DOCK7: variants seen among roughly 807,000 people sequenced by gnomAD.
DOCK7 encodes dedicator of cytokinesis protein 7.
A neutral mutation model predicts 271.0 loss-of-function variants in DOCK7; 138 were observed. The ratio of observed to expected loss-of-function variants is 0.51; its 90% CI spans 0.44 to 0.59. The LOEUF (loss-of-function observed/expected upper bound fraction) is 0.59. Ranked by LOEUF, DOCK7 falls within the 20% of genes least tolerant of loss-of-function variation. DOCK7 has a pLI of 0.00. For synonymous variants in DOCK7, 823 were observed against 876.1 expected, an observed-to-expected ratio of 0.94 and a Z score of 1.07; for missense variants, 2,066 against 2,592.4, an observed-to-expected ratio of 0.80 and a Z score of 4.41.
intron 18 of DOCK7, among the ~76,000 whole-genome samples, chr1:62,563,863 C>CAAAAA (rs71045848): frequency 2.6e-5 from 1 of 38,840 alleles, no homozygotes; most frequent in African/African-American, 1.0e-4. Context: ...ATTTACCAAG[C>CAAAAA]AAAAAAAAAA....
At chr1:62,519,467 C>A (rs899518583) in intron 31 of DOCK7, among the ~76,000 whole-genome samples, 2 of 152,228 alleles carry the variant, frequency 1.3e-5, no homozygotes, top group Admixed American at 1.3e-4. Flanking sequence ...TAGAAATTTT[C>A]ATGACTGAAA....
chr1:62,541,339 C>T (rs1324367190), intron 25 of DOCK7, among the ~76,000 whole-genome samples: 1 of 152,074 alleles, frequency 6.6e-6, no homozygotes, highest in Non-Finnish European at 1.5e-5. Flanking sequence ...ATGTTTGTTG[C>T]CTTTGTTTAC....
chr1:62,579,269 A>C (rs1272925230), intron 16 of DOCK7, among the ~76,000 whole-genome samples: 1 of 152,178 alleles, frequency 6.6e-6, no homozygotes, highest in Non-Finnish European at 1.5e-5. Flanking sequence ...AAGCTGCATA[A>C]AAGAGGACAC....
chr1:62,582,208 G>A (rs1647147937), intron 16 of DOCK7, among the ~76,000 whole-genome samples: 1 of 152,160 alleles, frequency 6.6e-6, no homozygotes, highest in African/African-American at 2.4e-5. Flanking sequence ...GGAGCTAGAA[G>A]AAACTCCTGT....
intron 15 of DOCK7, chr1:62,584,510 C>T (rs890085026): frequency 1.8e-6 from 2 of 1,092,808 alleles, no homozygotes; most frequent in Non-Finnish European, 2.2e-6. Flanking sequence ...TAATAACACA[C>T]AAGTAAAAGA....
In DOCK7 at chr1:62,540,169, AT is replaced by A. The variant is rs111463668; in HGVS notation, c.3046-278del. Among the ~76,000 whole-genome samples, 1,585 of 145,002 alleles carry A rather than the reference AT, an allele frequency of 0.011. 17 individuals are homozygous for A. Among genetic ancestry groups the A allele is most frequent in the Middle Eastern group, 0.051 (14 of 276 alleles). ...AACAAAAAAAAATTTCAACCTTTAA[AT>A]TTTTTTTTTTTTTCCAATAAAAAAA... On this transcript the variant is annotated intron_variant, in intron 25 of 49. Coordinates refer to ENST00000635253, the MANE Select transcript of DOCK7 (RefSeq NM_001367561.1).
rs748211428 is a variant in DOCK7, at chr1:62,561,617, T to G, written c.2199A>C (p.Gln733His). ...EVVAVSSIHT[Q>H]DPYLDKFFAL... Reference sequence around the variant, plus strand: ...GATAATAAAAATTATTAAAACTCACTTGTGTATGGATAGACGAAACAGCAA... The same window carrying G: ...GATAATAAAAATTATTAAAACTCACGTGTGTATGGATAGACGAAACAGCAA... Residue 733 changes from glutamine (Q) to histidine (H), a missense_variant and splice_region_variant, in exon 19 of 50, where the codon CAA (glutamine) becomes CAC (histidine). This residue lies in a region of DOCK7 where 1,414 missense variants were observed against 1,670.4 expected (regional missense o/e 0.85). Transcript: ENST00000635253. The G allele has an allele frequency of 3.3e-6, 5 of 1,537,146 alleles. No individual in the cohort carries two copies. The highest frequency in any genetic ancestry group is 8.7e-7 in the Non-Finnish European group (1 of 1,149,570).
At chr1:62,610,186 T>C (rs753764092) in intron 14 of DOCK7, among the ~76,000 whole-genome samples, 11 of 151,904 alleles carry the variant, frequency 7.2e-5, no homozygotes, top group Non-Finnish European at 1.5e-4. Context: ...TAGGACCAAT[T>C]CGATAGAATA....
rs1571220402 is a variant in DOCK7 at position 62,475,426 on chromosome 1, A to C, written c.5962-75T>G. 4.1e-6 allele frequency: 6 copies of C among 1,464,304 alleles called. No homozygotes were observed. In the East Asian group the frequency reaches 1.2e-4, roughly 28 times the overall value. 90.7% of individuals were successfully genotyped at this position (1,464,304 alleles called of 1,614,324 possible). ...AATGAACTTTATGTATAATCAACTG[A>C]AATTAGAAAAAAAAAAGATCAATTG... On this transcript the variant is annotated intron_variant, in intron 46 of 49. Transcript: ENST00000635253.
chr1:62,566,659 C>T (rs1259620532), intron 18 of DOCK7, among the ~76,000 whole-genome samples: 1 of 152,102 alleles, frequency 6.6e-6, no homozygotes, highest in African/African-American at 2.4e-5. Flanking sequence ...GTCTAAAACA[C>T]CAAAAGCAAT....
In DOCK7 at chr1:62,540,345, A is replaced by G. The variant is rs1359829287; in HGVS notation, c.3046-453T>C. Among the ~76,000 whole-genome samples, 6 of 152,050 alleles carry G rather than the reference A, an allele frequency of 3.9e-5. 1 individual carries two copies. The South Asian group carries it at 1.2e-3, about 32-fold the overall frequency. On this transcript the variant is annotated intron_variant, in intron 25 of 49. Transcript: ENST00000635253. Reference sequence around the variant, plus strand: ...CACACTACCATGCCCAGCTAATTTTAAAAATTTTATAGAGACAGGGTCTGG... The same window carrying G: ...CACACTACCATGCCCAGCTAATTTTGAAAATTTTATAGAGACAGGGTCTGG...
intron 9 of DOCK7, 53 bp downstream of exon 9, chr1:62,634,720 G>A: frequency 6.6e-7 from 1 of 1,518,550 alleles, no homozygotes; most frequent in Non-Finnish European, 8.9e-7. Context: ...AATACTGACA[G>A]ACAAGTATAC....
intron 28 of DOCK7, among the ~76,000 whole-genome samples, chr1:62,536,335 A>G (rs1645345585): frequency 6.6e-6 from 1 of 152,216 alleles, no homozygotes; most frequent in African/African-American, 2.4e-5. Context: ...TAGCTGAGAA[A>G]GTGGGCAACA....
chr1:62,517,524 G>T lies in DOCK7; in HGVS notation c.3937-3626C>A, dbSNP rs188793295. On this transcript the variant is annotated intron_variant, in intron 31 of 49. Coordinates refer to ENST00000635253, the MANE Select transcript of DOCK7 (RefSeq NM_001367561.1). ...GCAGGAGAATTGCTTGAACCCGGGA[G>T]ATGGAGGTTGCAGTGAGCCGAGATT... Among the ~76,000 whole-genome samples the T allele has an allele frequency of 1.2e-4, 18 of 152,276 alleles. No homozygotes were observed. In the East Asian group the frequency reaches 2.9e-3, roughly 25 times the overall value.
At chr1:62,665,177 C>T (rs1038136113) in intron 1 of DOCK7, among the ~76,000 whole-genome samples, 2 of 151,916 alleles carry the variant, frequency 1.3e-5, no homozygotes, top group African/African-American at 2.4e-5. Context: ...TTAGTAGAGA[C>T]GGGGCTTCGC....
At chr1:62,529,890 T>C (rs1216415173) in intron 29 of DOCK7, among the ~76,000 whole-genome samples, 2 of 152,222 alleles carry the variant, frequency 1.3e-5, no homozygotes, top group Non-Finnish European at 2.9e-5. Context: ...CCCTACCTAA[T>C]GGATTATGTA....
intron 1 of DOCK7, among the ~76,000 whole-genome samples, chr1:62,677,438 C>A (rs76892402): frequency 6.6e-6 from 1 of 152,038 alleles, no homozygotes; most frequent in East Asian, 1.9e-4. Flanking sequence ...ATCCAAGATA[C>A]GAAGATAAGA....
At chr1:62,598,154 T>G in intron 14 of DOCK7, 1 of 1,181,390 alleles carries the variant, frequency 8.5e-7, no homozygotes, top group Non-Finnish European at 1.1e-6. Flanking sequence ...AAATACTTTG[T>G]TGCATTGTTG....
chr1:62,584,884 G>C, intron 15 of DOCK7: 2 of 714,830 alleles, frequency 2.8e-6, no homozygotes, highest in Non-Finnish European at 5.2e-6. Flanking sequence ...GGGCTCTGTA[G>C]AGGAGGCCAC....
Sources: gnomAD v4.1 joint callset for allele counts (sites outside exome capture counted in the v4.1 genomes callset) on GRCh38, gnomAD v4.1.1 for gene constraint, gnomAD v4.1.1 regional missense constraint, MANE v1.5 for transcripts, NCBI Gene and HGNC (gene_info 2026-07-23, HGNC 2026-07-21) for gene names.